SLX4IP: variants seen among roughly 807,000 people sequenced by gnomAD.
SLX4IP encodes SLX4 interacting protein.
In SLX4IP, 34 loss-of-function variants were observed where a neutral mutation model predicts 32.9. The observed-to-expected ratio is 1.03, with a 90% CI of 0.79 to 1.38. The LOEUF is 1.38. Ranked by LOEUF, SLX4IP falls within the 40% of genes most tolerant of loss-of-function variation. SLX4IP has a pLI of 0.00. For synonymous variants in SLX4IP, 172 were observed against 171.7 expected (o/e 1.00, Z -0.01); for missense variants, 444 against 479.0 (o/e 0.93, Z 0.68).
At chr20:10,529,326 C>G (rs1249440968) in intron 2 of SLX4IP, among the ~76,000 whole-genome samples, 2 of 152,074 alleles carry the variant, frequency 1.3e-5, no homozygotes, top group Admixed American at 1.3e-4. Context: ...CGGTGGCTCA[C>G]CCCTGTAATC....
At chr20:10,457,740 T>G (rs80206346) in intron 1 of SLX4IP, among the ~76,000 whole-genome samples, 1 of 152,192 alleles carries the variant, frequency 6.6e-6, no homozygotes, top group Non-Finnish European at 1.5e-5. Context: ...TTTCTTATGC[T>G]TCTGTTTTTT....
At chr20:10,441,133 T>G (rs979718973) in intron 1 of SLX4IP, among the ~76,000 whole-genome samples, 9 of 152,086 alleles carry the variant, frequency 5.9e-5, no homozygotes, top group African/African-American at 2.2e-4. Flanking sequence ...TGACTAGGTA[T>G]TAAATAAAAA....
At chr20:10,490,735 T>C (rs1248650072) in intron 2 of SLX4IP, among the ~76,000 whole-genome samples, 2 of 152,218 alleles carry the variant, frequency 1.3e-5, no homozygotes, top group East Asian at 3.8e-4. Flanking sequence ...ATTGGCCATA[T>C]AGTGACTTAC....
intron 5 of SLX4IP, among the ~76,000 whole-genome samples, chr20:10,599,996 G>C (rs2066821932): frequency 6.6e-6 from 1 of 151,700 alleles, no homozygotes; most frequent in Non-Finnish European, 1.5e-5. Context: ...TGATAATTTT[G>C]AATTCCAGTT....
intron 2 of SLX4IP, among the ~76,000 whole-genome samples, chr20:10,549,509 G>A (rs1440112907): frequency 6.6e-6 from 1 of 152,230 alleles, no homozygotes; most frequent in African/African-American, 2.4e-5. Context: ...ACCTAGAGGG[G>A]ATAGGGGCCA....
At chr20:10,456,004 C>T (rs1289259037) in intron 1 of SLX4IP, among the ~76,000 whole-genome samples, 1 of 152,086 alleles carries the variant, frequency 6.6e-6, no homozygotes, top group African/African-American at 2.4e-5. Context: ...TTCTGAATGC[C>T]AACATAATGC....
At chr20:10,534,062 G>C (rs2066015017) in intron 2 of SLX4IP, among the ~76,000 whole-genome samples, 1 of 152,156 alleles carries the variant, frequency 6.6e-6, no homozygotes, top group Non-Finnish European at 1.5e-5. Flanking sequence ...GGAGCACAGA[G>C]TTTTGTCTCA....
At chr20:10,474,604 T>C (rs1437856139) in intron 2 of SLX4IP, among the ~76,000 whole-genome samples, 3 of 152,196 alleles carry the variant, frequency 2.0e-5, no homozygotes, top group Non-Finnish European at 4.4e-5. Flanking sequence ...ATAAGGATCA[T>C]GGTTAACCCC....
intron 2 of SLX4IP, among the ~76,000 whole-genome samples, chr20:10,467,891 CCAGA>C (rs1250856655): frequency 2.0e-5 from 3 of 152,106 alleles, no homozygotes; most frequent in African/African-American, 7.2e-5. Context: ...GCCTTTCTGG[CCAGA>C]CACCCAGTTT....
intron 2 of SLX4IP, among the ~76,000 whole-genome samples, chr20:10,515,064 A>ATTTGTAAGTT (rs2065837849): frequency 8.3e-6 from 1 of 119,940 alleles, no homozygotes; most frequent in African/African-American, 3.0e-5. Context: ...ATTCACATTT[A>ATTTGTAAGTT]TTTGTAAGTT....
chr20:10,509,838 A>T (rs1018738216), intron 2 of SLX4IP, among the ~76,000 whole-genome samples: 10 of 152,004 alleles, frequency 6.6e-5, no homozygotes, highest in African/African-American at 2.4e-4. Context: ...ACAGGTGTGT[A>T]CCACCATGCC....
chr20:10,521,827 G>C (rs889393685), intron 2 of SLX4IP, among the ~76,000 whole-genome samples: 5 of 152,162 alleles, frequency 3.3e-5, no homozygotes, highest in Non-Finnish European at 4.4e-5. Context: ...AAGGCACAAC[G>C]GATAATCTGA....
chr20:10,503,516 C>T (rs2065735941), intron 2 of SLX4IP, among the ~76,000 whole-genome samples: 1 of 152,226 alleles, frequency 6.6e-6, no homozygotes, highest in Admixed American at 6.5e-5. Context: ...TATGCTTTTG[C>T]AAGCAGCTTT....
intron 4 of SLX4IP, among the ~76,000 whole-genome samples, chr20:10,571,142 C>G (rs376545036): frequency 6.6e-6 from 1 of 152,246 alleles, no homozygotes. Context: ...CTGCATCACC[C>G]TTTTTTATTG....
intron 4 of SLX4IP, among the ~76,000 whole-genome samples, chr20:10,587,326 A>G (rs1256871459): frequency 6.6e-6 from 1 of 152,184 alleles, no homozygotes; most frequent in Non-Finnish European, 1.5e-5. Flanking sequence ...AATTTTTAGA[A>G]AATTAGAAAT....
At chr20:10,523,630 C>A (rs1315543057) in intron 2 of SLX4IP, among the ~76,000 whole-genome samples, 2 of 152,240 alleles carry the variant, frequency 1.3e-5, no homozygotes. Context: ...TTCACACCAT[C>A]CTCCACGGGG....
chr20:10,549,372 A>G (rs909916307), intron 2 of SLX4IP, among the ~76,000 whole-genome samples: 1 of 151,926 alleles, frequency 6.6e-6, no homozygotes, highest in Non-Finnish European at 1.5e-5. Flanking sequence ...TCTGTGTTGG[A>G]ATGGAATCAG....
At chr20:10,542,092 T>C (rs1292286905) in intron 2 of SLX4IP, among the ~76,000 whole-genome samples, 9 of 152,216 alleles carry the variant, frequency 5.9e-5, no homozygotes, top group Non-Finnish European at 1.0e-4. Context: ...ATCAGTCCAA[T>C]GCAACAAGCC....
chr20:10,440,324 G>A (rs965937089), intron 1 of SLX4IP, among the ~76,000 whole-genome samples: 9 of 151,838 alleles, frequency 5.9e-5, no homozygotes, highest in African/African-American at 1.9e-4. Context: ...GCATGGTGGT[G>A]CACACCTGTA....
Sources: gnomAD v4.1 joint callset for allele counts (sites outside exome capture counted in the v4.1 genomes callset) on GRCh38, gnomAD v4.1.1 for gene constraint, MANE v1.5 for transcripts, NCBI Gene and HGNC (gene_info 2026-07-23, HGNC 2026-07-21) for gene names.